The following LPP variants were observed in gnomAD, a reference collection of about 807,000 sequenced individuals.
LPP encodes the protein LIM domain containing preferred translocation partner in lipoma.
Under a neutral mutation model 60.4 loss-of-function variants are expected in LPP, and 38 were observed. That is an observed-to-expected ratio of 0.63 (90% CI 0.49 to 0.83). The LOEUF (loss-of-function observed/expected upper bound fraction) is 0.83, where lower values mean the gene tolerates loss of function less well. Ranked by LOEUF, LPP falls within the 40% of genes least tolerant of loss-of-function variation. The pLI is 0.00. For synonymous variants in LPP, 328 were observed against 290.8 expected, an observed-to-expected ratio of 1.13 and a Z score of -1.30; for missense variants, 902 against 783.6, an observed-to-expected ratio of 1.15 and a Z score of -1.80.
rs143390978 is a variant in LPP, at chr3:188,390,132, T to G, written c.-9-15980T>G. Among the ~76,000 whole-genome samples the G allele has an allele frequency of 3.9e-3, 589 of 152,298 alleles. 10 individuals carry two copies. Among genetic ancestry groups the G allele is most frequent in the South Asian group, 3.1e-3 (15 of 4,828 alleles). ...TTTCTTGGAGCTGTGTCTCCGTGTCTTTGGTGTGCCACAGTCACAGGCCTG... is the reference window on the plus strand; with the variant it reads ...TTTCTTGGAGCTGTGTCTCCGTGTCGTTGGTGTGCCACAGTCACAGGCCTG... On this transcript the variant is annotated intron_variant, in intron 3 of 11. Coordinates refer to ENST00000617246, the MANE Select transcript of LPP (RefSeq NM_001375462.1).
intron 3 of LPP, among the ~76,000 whole-genome samples, chr3:188,404,068 C>G (rs1782854550): frequency 6.6e-6 from 1 of 152,158 alleles, no homozygotes; most frequent in South Asian, 2.1e-4. Context: ...TTTAAGAAAA[C>G]TATACATCAA....
intron 9 of LPP, among the ~76,000 whole-genome samples, chr3:188,811,983 G>A (rs1174036487): frequency 3.3e-5 from 5 of 152,040 alleles, no homozygotes; most frequent in African/African-American, 1.2e-4. Flanking sequence ...TTGTGTTGCA[G>A]ATCATTAGAA....
chr3:188,673,847 G>A (rs913137215), intron 7 of LPP, among the ~76,000 whole-genome samples: 4 of 151,504 alleles, frequency 2.6e-5, no homozygotes, highest in Non-Finnish European at 5.9e-5. Flanking sequence ...TCTTAAGGAA[G>A]GGTAGAGTCC....
rs1770333585 is a variant in LPP at position 188,883,741 on chromosome 3, A to G, written c.*9262A>G. 5.2e-6 allele frequency: 1 copy of G among 190,896 alleles called. No homozygotes were observed. Among genetic ancestry groups the G allele is most frequent in the Non-Finnish European group, 1.1e-5 (1 of 90,826 alleles). 11.8% of individuals were successfully genotyped at this position (190,896 alleles called of 1,614,324 possible). On this transcript the variant is annotated 3_prime_UTR_variant, in exon 12 of 12. Transcript: ENST00000617246. ...GAACGAGACTCCGTCTCAAAAAAAA[A>G]AAAAAAAAAAAAAGGTTGGGAAATA... is the stretch of plus-strand genomic sequence containing the variant.
intron 4 of LPP, among the ~76,000 whole-genome samples, chr3:188,455,845 C>G (rs1429664802): frequency 1.3e-5 from 2 of 152,012 alleles, no homozygotes; most frequent in Non-Finnish European, 2.9e-5. Context: ...AACGGTAAAT[C>G]TATTTTTGTT....
chr3:188,459,995 C>T (rs1206335751), intron 4 of LPP, among the ~76,000 whole-genome samples: 1 of 152,106 alleles, frequency 6.6e-6, no homozygotes, highest in African/African-American at 2.4e-5. Context: ...ACATGGTTGA[C>T]AATTTCATAG....
At chr3:188,621,766 T>C (rs571711784) in intron 7 of LPP, among the ~76,000 whole-genome samples, 1 of 152,246 alleles carries the variant, frequency 6.6e-6, no homozygotes, top group African/African-American at 2.4e-5. Context: ...TTCAAGTGAT[T>C]CTCCTGCCTC....
chr3:188,479,804 GCTTT>G (rs1560457665), intron 4 of LPP, among the ~76,000 whole-genome samples: 3 of 152,202 alleles, frequency 2.0e-5, no homozygotes, highest in Non-Finnish European at 2.9e-5. Context: ...AGAGCATGAT[GCTTT>G]CTTTGTTTTC....
intron 2 of LPP, among the ~76,000 whole-genome samples, chr3:188,248,710 G>A (rs1389301359): frequency 6.6e-6 from 1 of 151,702 alleles, no homozygotes; most frequent in African/African-American, 2.4e-5. Context: ...CTTCTGCTGG[G>A]AACTCAGGTG....
intron 7 of LPP, among the ~76,000 whole-genome samples, chr3:188,676,732 T>A (rs903726898): frequency 6.6e-6 from 1 of 152,162 alleles, no homozygotes; most frequent in Non-Finnish European, 1.5e-5. Flanking sequence ...AGACAGACTC[T>A]AAGGTGCCCT....
At chr3:188,860,818 A>G (rs575979101) in intron 9 of LPP, among the ~76,000 whole-genome samples, 2 of 152,314 alleles carry the variant, frequency 1.3e-5, no homozygotes, top group Admixed American at 6.5e-5. Flanking sequence ...TAAGATCTTA[A>G]CATGTTTTCT....
chr3:188,703,529 A>G (rs1197384211), intron 7 of LPP, among the ~76,000 whole-genome samples: 9 of 152,172 alleles, frequency 5.9e-5, no homozygotes, highest in African/African-American at 1.2e-4. Flanking sequence ...GGTGTTAAGT[A>G]TTCTGCACTG....
At chr3:188,226,458 C>T (rs1160591449) in intron 2 of LPP, among the ~76,000 whole-genome samples, 1 of 152,258 alleles carries the variant, frequency 6.6e-6, no homozygotes, top group East Asian at 1.9e-4. Flanking sequence ...AGAATTGTGA[C>T]CAGGTAAGGT....
intron 3 of LPP, among the ~76,000 whole-genome samples, chr3:188,354,605 A>G (rs1361748177): frequency 1.3e-5 from 2 of 152,228 alleles, no homozygotes; most frequent in Admixed American, 1.3e-4. Context: ...GAAACTTTAG[A>G]AAATTATATT....
chr3:188,860,972 T>G (rs747327602), intron 9 of LPP, among the ~76,000 whole-genome samples: 10 of 152,138 alleles, frequency 6.6e-5, no homozygotes, highest in Non-Finnish European at 1.5e-4. Flanking sequence ...TTAGGAGACC[T>G]TTATTGTAAC....
intron 4 of LPP, among the ~76,000 whole-genome samples, chr3:188,466,817 A>ATATATATATATATG (rs1553906140): frequency 8.9e-6 from 1 of 112,924 alleles, no homozygotes; most frequent in Non-Finnish European, 1.8e-5. Flanking sequence ...ATATATATAT[A>ATATATATATATATG]TATATATATA....
Position 188,880,373 on chromosome 3 carries a change from C to CA in LPP, c.*5902dup, listed in dbSNP as rs200607404. 27 of 183,158 alleles carry CA rather than the reference C, an allele frequency of 1.5e-4. No individual in the cohort carries two copies. The highest frequency in any genetic ancestry group is 2.0e-3 in the Middle Eastern group (1 of 488). 11.3% of individuals were successfully genotyped at this position (183,158 alleles called of 1,614,324 possible). On this transcript the variant is annotated 3_prime_UTR_variant, in exon 12 of 12. Coordinates refer to ENST00000617246, the MANE Select transcript of LPP (RefSeq NM_001375462.1). ...GATTGACAGGTCCCCTTCAAAGTTACAAAAAAAAGTGCTAATTTTTGCTGT... is the reference window on the plus strand; with the variant it reads ...GATTGACAGGTCCCCTTCAAAGTTACAAAAAAAAAGTGCTAATTTTTGCTGT...
chr3:188,384,519 C>T (rs530760383), intron 3 of LPP, among the ~76,000 whole-genome samples: 3 of 152,082 alleles, frequency 2.0e-5, no homozygotes, highest in Admixed American at 6.6e-5. Flanking sequence ...AGGCTGGGCG[C>T]AGTGGCTCAC....
intron 7 of LPP, among the ~76,000 whole-genome samples, chr3:188,640,482 A>C (rs1849848871): frequency 6.6e-6 from 1 of 150,968 alleles, no homozygotes; most frequent in Admixed American, 6.6e-5. Flanking sequence ...AGTAACCTGC[A>C]CAATGTGCAC....
Sources: gnomAD v4.1 joint callset for allele counts (sites outside exome capture counted in the v4.1 genomes callset) on GRCh38, gnomAD v4.1.1 for gene constraint, MANE v1.5 for transcripts, NCBI Gene and HGNC (gene_info 2026-07-23, HGNC 2026-07-21) for gene names.